NMNAT3: variants seen among roughly 807,000 people sequenced by gnomAD.
NMNAT3 encodes the protein nicotinamide nucleotide adenylyltransferase 3.
In NMNAT3, 21 loss-of-function variants were observed where a neutral mutation model predicts 24.8. That is an observed-to-expected ratio of 0.85 (90% CI 0.60 to 1.22). NMNAT3 has a LOEUF of 1.22. NMNAT3 is among the 50% of genes most tolerant of loss of function. The pLI is 0.00. For missense variants in NMNAT3, 387 were observed against 436.6 expected (o/e 0.89, Z 1.01); for synonymous variants, 136 against 155.2 (o/e 0.88, Z 0.92).
At chr3:139,638,405 C>G (rs1292455330) in intron 1 of NMNAT3, among the ~76,000 whole-genome samples, 1 of 152,166 alleles carries the variant, frequency 6.6e-6, no homozygotes, top group Non-Finnish European at 1.5e-5. Flanking sequence ...TAACAGTGGG[C>G]AATATGCCAC....
Position 139,561,128 on chromosome 3 carries a change from C to A in NMNAT3, c.923G>T (p.Ser308Ile). 6.2e-7 allele frequency: 1 copy of A among 1,614,134 alleles called. No homozygotes were observed. Among genetic ancestry groups the A allele is most frequent in the East Asian group, 2.2e-5 (1 of 44,886 alleles). Residue 308 changes from serine to isoleucine, a missense_variant, in exon 7 of 7, where the codon AGC becomes ATC. This residue lies in a region of NMNAT3 where 323 missense variants were observed against 345.2 expected (regional missense o/e 0.94). Transcript: ENST00000643695. ...AGCATCGGGAATCAGGTACTTTACGCTCTGCCCTTGGCCCAAGGCTCGCCT... is the reference window on the plus strand; with the variant it reads ...AGCATCGGGAATCAGGTACTTTACGATCTGCCCTTGGCCCAAGGCTCGCCT...
chr3:139,576,458 T>C (rs1469846653), intron 5 of NMNAT3, among the ~76,000 whole-genome samples: 1 of 152,156 alleles, frequency 6.6e-6, no homozygotes, highest in East Asian at 1.9e-4. Flanking sequence ...AGCCCACCCC[T>C]GACAAATCAA....
intron 3 of NMNAT3, among the ~76,000 whole-genome samples, chr3:139,586,686 T>C (rs1023665245): frequency 6.6e-6 from 1 of 152,196 alleles, no homozygotes; most frequent in Admixed American, 6.5e-5. Flanking sequence ...AGCCAGGCTA[T>C]ATTGAGAGAG....
intron 6 of NMNAT3, chr3:139,567,504 G>C (rs1012576527): frequency 1.3e-5 from 2 of 152,064 alleles, no homozygotes; most frequent in African/African-American, 4.8e-5. Flanking sequence ...GTTTGTCATA[G>C]ATAGCTCTTA....
intron 1 of NMNAT3, among the ~76,000 whole-genome samples, chr3:139,648,576 C>T (rs1204233726): frequency 6.6e-6 from 1 of 152,186 alleles, no homozygotes; most frequent in Non-Finnish European, 1.5e-5. Context: ...ATAAATTAAC[C>T]TCATAGTTTC....
chr3:139,628,820 T>C (rs115035745), intron 2 of NMNAT3, among the ~76,000 whole-genome samples: 3 of 152,340 alleles, frequency 2.0e-5, no homozygotes, highest in African/African-American at 7.2e-5. Context: ...TAATGTTACT[T>C]ACTCTTACAA....
chr3:139,576,995 T>C (rs1037198688), intron 5 of NMNAT3, among the ~76,000 whole-genome samples: 3 of 151,990 alleles, frequency 2.0e-5, no homozygotes, highest in Non-Finnish European at 4.4e-5. Flanking sequence ...AGGTGGAGGT[T>C]GCAGTGAGCC....
At chr3:139,624,461 T>A (rs1184408990) in intron 3 of NMNAT3, among the ~76,000 whole-genome samples, 2 of 152,046 alleles carry the variant, frequency 1.3e-5, no homozygotes, top group African/African-American at 4.8e-5. Context: ...CTTTTTTTTT[T>A]TTTTGAGACA....
intron 5 of NMNAT3, 79 bp from the exon 6 acceptor site, chr3:139,573,759 T>A (rs1938827954): frequency 1.3e-6 from 1 of 745,102 alleles, no homozygotes; most frequent in Admixed American, 3.0e-5. Context: ...AGATTTTGTC[T>A]CAGCCTGCTT....
At chr3:139,591,573 G>T (rs1026759923) in intron 3 of NMNAT3, among the ~76,000 whole-genome samples, 29 of 152,212 alleles carry the variant, frequency 1.9e-4, no homozygotes, top group African/African-American at 7.0e-4. Context: ...GTCCCTGTCT[G>T]ACAGCTTTGA....
chr3:139,601,073 G>A (rs2108218059), intron 3 of NMNAT3, among the ~76,000 whole-genome samples: 1 of 152,324 alleles, frequency 6.6e-6, no homozygotes, highest in South Asian at 2.1e-4. Flanking sequence ...CAGCCAGGGA[G>A]CAGGCAGTGA....
intron 3 of NMNAT3, among the ~76,000 whole-genome samples, chr3:139,591,909 C>T (rs1222612021): frequency 3.3e-5 from 5 of 152,208 alleles, no homozygotes; most frequent in East Asian, 3.9e-4. Context: ...AAAATCAGAG[C>T]GCCTCTCCTC....
At chr3:139,630,220 A>C (rs2056235338) in intron 2 of NMNAT3, among the ~76,000 whole-genome samples, 1 of 152,238 alleles carries the variant, frequency 6.6e-6, no homozygotes, top group African/African-American at 2.4e-5. Flanking sequence ...CTTCTGTCTC[A>C]TTGGCCAGAA....
intron 3 of NMNAT3, among the ~76,000 whole-genome samples, chr3:139,591,728 G>A (rs1338751914): frequency 2.6e-5 from 4 of 152,118 alleles, no homozygotes; most frequent in African/African-American, 4.8e-5. Flanking sequence ...TCACAAGGCC[G>A]GGTACTCCAA....
At position 139,640,193 on chromosome 3, in the gene NMNAT3, G is replaced by A. The variant is rs115667086; in HGVS notation, c.-140-2131C>T. Among the ~76,000 whole-genome samples the A allele has an allele frequency of 8.2e-4, 125 of 152,296 alleles. 2 individuals carry two copies. The highest frequency in any genetic ancestry group is 2.9e-3 in the African/African-American group (120 of 41,560). On this transcript the variant is annotated intron_variant, in intron 1 of 6. Coordinates refer to ENST00000643695, the MANE Select transcript of NMNAT3 (RefSeq NM_001320510.2). ...TACCATGACCATCAGTATGGGTGGT[G>A]GATTCCAGTCAACAGAAGGAGGTCA...
chr3:139,632,068 T>C (rs2056322035), intron 2 of NMNAT3, among the ~76,000 whole-genome samples: 1 of 151,862 alleles, frequency 6.6e-6, no homozygotes, highest in Non-Finnish European at 1.5e-5. Context: ...TAGAGAGTGG[T>C]TTTTAAATTC....
chr3:139,603,753 C>T (rs890465148), intron 3 of NMNAT3, among the ~76,000 whole-genome samples: 21 of 152,290 alleles, frequency 1.4e-4, no homozygotes, highest in Middle Eastern at 3.4e-3. Context: ...ATGCTGCTGC[C>T]ATCATTACTG....
intron 1 of NMNAT3, among the ~76,000 whole-genome samples, chr3:139,675,498 C>T (rs1437697734): frequency 1.3e-5 from 2 of 152,200 alleles, no homozygotes; most frequent in African/African-American, 4.8e-5. Context: ...TCTACAAAGA[C>T]ACTGGGGCTT....
At chr3:139,561,464 G>A (rs1936371044) in intron 6 of NMNAT3, 72 bp from the exon 7 acceptor site, 1 of 1,430,308 alleles carries the variant, frequency 7.0e-7, no homozygotes, top group Admixed American at 2.4e-5. Flanking sequence ...TCATTGGAAA[G>A]TCTCACAAAA....
Sources: gnomAD v4.1 joint callset for allele counts (sites outside exome capture counted in the v4.1 genomes callset) on GRCh38, gnomAD v4.1.1 for gene constraint, gnomAD v4.1.1 regional missense constraint, MANE v1.5 for transcripts, NCBI Gene and HGNC (gene_info 2026-07-23, HGNC 2026-07-21) for gene names.